NOP53: variants seen among roughly 807,000 people sequenced by gnomAD.
NOP53 encodes ribosome biogenesis protein NOP53.
A neutral mutation model predicts 61.0 loss-of-function variants in NOP53; 40 were observed. The ratio of observed to expected loss-of-function variants is 0.66; its 90% CI spans 0.51 to 0.85. The LOEUF (loss-of-function observed/expected upper bound fraction) is 0.85, where lower values mean the gene tolerates loss of function less well. NOP53 is among the 40% of genes least tolerant of loss of function. NOP53 has a pLI of 0.00. For missense variants in NOP53, 689 were observed against 652.9 expected (o/e 1.06, Z -0.60); for synonymous variants, 308 against 289.5 (o/e 1.06, Z -0.65).
intron 2 of NOP53, among the ~76,000 whole-genome samples, chr19:47,747,324 C>T (rs1353955384): frequency 1.3e-5 from 2 of 152,100 alleles, no homozygotes; most frequent in African/African-American, 4.8e-5. Flanking sequence ...TTTTAGCTTG[C>T]AGAAAAGCAA....
Position 47,754,807 on chromosome 19 carries a change from G to A in NOP53, c.969G>A (p.Glu323=). Residue 323 remains glutamate, a synonymous_variant, in exon 8 of 13, where the codon GAG becomes GAA. Transcript: ENST00000246802. This position sits in a 1 kb window ranked among gnomAD's most constrained non-coding sequence, Gnocchi z 4.2. ...QGEGPEAGDA[E]VCPTPARLAT... is the part of the protein sequence containing the mutation. ...AGGGGCCGGAGGCTGGGGATGCCGA[G>A]GTCTGTCCCACGCCCGCCCGCCTGG... The A allele has an allele frequency of 6.5e-7, 1 of 1,534,906 alleles. No individual in the cohort carries two copies. Among genetic ancestry groups the A allele is most frequent in the Non-Finnish European group, 8.7e-7 (1 of 1,145,258 alleles).
chr19:47,747,803 T>C (rs1251936852), intron 2 of NOP53, among the ~76,000 whole-genome samples: 1 of 54,428 alleles, frequency 1.8e-5, no homozygotes, highest in Non-Finnish European at 3.4e-5. Context: ...TTTTTTTTTT[T>C]TGAGATGGAG....
chr19:47,749,663 T>C (rs908460495), intron 2 of NOP53, among the ~76,000 whole-genome samples: 2 of 152,118 alleles, frequency 1.3e-5, no homozygotes, highest in East Asian at 1.9e-4. Flanking sequence ...CTAGAAGTTA[T>C]GCTGAGAAGT....
intron 12 of NOP53, 92 bp downstream of exon 12, chr19:47,756,836 A>G (rs1351447392): frequency 1.3e-6 from 2 of 1,497,710 alleles, no homozygotes; most frequent in African/African-American, 2.8e-5. Context: ...GAGTGTGGCT[A>G]GTGGCTGAGC....
chr19:47,747,178 A>G lies in NOP53; in HGVS notation c.289+147A>G, dbSNP rs1426264392. The G allele has an allele frequency of 8.1e-6, 5 of 619,786 alleles. No individual in the cohort carries two copies. In the East Asian group the frequency reaches 1.2e-4, roughly 15 times the overall value. The allele number at this position is 619,786 out of a possible 1,614,324, so 38.4% of individuals were successfully genotyped here. On this transcript the variant is annotated intron_variant, in intron 2 of 12. Transcript: ENST00000246802. ...CCTTAATATAAACAAGGGGACCTCA[A>G]ATGGGCAGAAAGCAAGCTGGAGACG...
intron 1 of NOP53, 116 bp downstream of exon 1, chr19:47,745,899 C>G (rs1967057222): frequency 1.7e-6 from 1 of 584,848 alleles, no homozygotes; most frequent in South Asian, 2.2e-5. Flanking sequence ...GTTGGGGGCT[C>G]CTGTCCCGGG....
rs1469800885 is a variant in NOP53 at position 47,747,009 on chromosome 19, G to A, written c.267G>A (p.Val89=). The change falls in exon 2 of 13, where the codon GTG becomes GTA. Residue 89 remains valine (V), a synonymous_variant. Coordinates refer to ENST00000246802, the MANE Select transcript of NOP53 (RefSeq NM_015710.5). ...SEAPNEKLFF[V]DTGSKEKGLT... The stretch of plus-strand genomic sequence containing the variant: ...CCCCAAATGAAAAACTCTTCTTCGT[G>A]GACACTGGCTCCAAGGAAAAAGGTG... The A allele has an allele frequency of 1.2e-5, 20 of 1,613,760 alleles. No homozygotes were observed. The highest frequency in any genetic ancestry group is 1.6e-5 in the Non-Finnish European group (19 of 1,179,752).
intron 12 of NOP53, 126 bp from the exon 13 acceptor site, chr19:47,756,873 A>G: frequency 1.3e-6 from 2 of 1,510,440 alleles, no homozygotes; most frequent in Non-Finnish European, 9.2e-7. Context: ...TGCCCAGAAG[A>G]GGCCCTGAAA....
rs371370344 is a variant in NOP53, at chr19:47,756,726, G to A, written c.1412G>A (p.Arg471Gln). 1.2e-5 allele frequency: 20 copies of A among 1,613,488 alleles called. No individual in the cohort carries two copies. Among genetic ancestry groups the A allele is most frequent in the African/African-American group, 9.3e-5 (7 of 74,930 alleles). Reference sequence around the variant, plus strand: ...TACAAGGTGAAGCTGGTGGAGAAGCGGGCGTTCCGTGAGATCCAGTGAGTC... The same window carrying A: ...TACAAGGTGAAGCTGGTGGAGAAGCAGGCGTTCCGTGAGATCCAGTGAGTC... ...RKYKVKLVEK[R>Q]AFREIQL is the part of the protein sequence containing the mutation. The change falls in exon 12 of 13, where the codon CGG becomes CAG. Residue 471 changes from arginine to glutamine, a missense_variant. Arg to Gln is a conservative substitution (Grantham distance 43). Transcript: ENST00000246802.
chr19:47,756,009 T>G (rs1195011136), intron 10 of NOP53, 187 bp downstream of exon 10: 2 of 596,800 alleles, frequency 3.4e-6, no homozygotes, highest in Non-Finnish European at 6.0e-6. Context: ...GGCTAAGGTT[T>G]GAGTCCGGGA....
chr19:47,748,864 G>A (rs1188792829), intron 2 of NOP53, among the ~76,000 whole-genome samples: 1 of 150,974 alleles, frequency 6.6e-6, no homozygotes, highest in Non-Finnish European at 1.5e-5. Context: ...GGGCGACAGA[G>A]CAAGACTCTG....
chr19:47,755,811 A>G lies in NOP53; in HGVS notation c.1285A>G (p.Arg429Gly), dbSNP rs1049750063. ...QLSSELTDSLRTLKPEGNILR... is the reference protein window; with the variant it reads ...QLSSELTDSLGTLKPEGNILR... ...GAGCTCGGAGCTGACAGACTCGCTCAGGACCCTGAAGGTGCTCACTGTGTC... is the reference window on the plus strand; with the variant it reads ...GAGCTCGGAGCTGACAGACTCGCTCGGGACCCTGAAGGTGCTCACTGTGTC... Residue 429 changes from arginine (R) to glycine (G), a missense_variant, in exon 10 of 13, where the codon AGG (arginine) becomes GGG (glycine). Coordinates refer to ENST00000246802, the MANE Select transcript of NOP53 (RefSeq NM_015710.5). The G allele has an allele frequency of 1.9e-6, 3 of 1,608,378 alleles. No homozygotes were observed. Among genetic ancestry groups the G allele is most frequent in the Admixed American group, 1.7e-5 (1 of 59,396 alleles).
intron 9 of NOP53, 30 bp from the exon 10 acceptor site, chr19:47,755,726 A>G (rs1214741851): frequency 6.3e-7 from 1 of 1,590,044 alleles, no homozygotes; most frequent in Non-Finnish European, 8.6e-7. Flanking sequence ...CGCGGGGGTG[A>G]TATTTCTGAA....
intron 8 of NOP53, 45 bp from the exon 9 acceptor site, chr19:47,755,303 G>A: frequency 7.6e-7 from 1 of 1,323,202 alleles, no homozygotes. Flanking sequence ...GTCTCCCTGT[G>A]TGGGCAGCAC....
chr19:47,754,589 G>A lies in NOP53; in HGVS notation c.828G>A (p.Glu276=), dbSNP rs765686117. Residue 276 remains glutamate (E), a synonymous_variant, in exon 7 of 13, where the codon GAG becomes GAA. Coordinates refer to ENST00000246802, the MANE Select transcript of NOP53 (RefSeq NM_015710.5). This position sits in a 1 kb window ranked among gnomAD's most constrained non-coding sequence, Gnocchi z 4.2. Reference sequence around the variant, plus strand: ...GGCAGAAGGAGGCGGAGAAGCTGGAGCGGCAGCTGGCCCTGCCCGCCACGG... The same window carrying A: ...GGCAGAAGGAGGCGGAGAAGCTGGAACGGCAGCTGGCCCTGCCCGCCACGG... The part of the protein sequence containing the change: ...LQRQKEAEKL[E]RQLALPATEQ... 4.0e-5 allele frequency: 62 copies of A among 1,550,512 alleles called. No homozygotes were observed. The highest frequency in any genetic ancestry group is 5.5e-5 in the African/African-American group (4 of 73,036).
At chr19:47,746,902 C>T in intron 1 of NOP53, 65 bp from the exon 2 acceptor site, 1 of 1,345,954 alleles carries the variant, frequency 7.4e-7, no homozygotes, top group East Asian at 2.3e-5. Flanking sequence ...AAGGCTGGAC[C>T]TGCCAGGTTA....
In NOP53 at chr19:47,755,541, G is replaced by A. The variant is rs777448858; in HGVS notation, c.1229+18G>A. The stretch of plus-strand genomic sequence containing the variant: ...CGGCTCAAGTGAGAACCAGGCCGGG[G>A]GTTCTGGGAGAGGCTGGGGAGGGGG... On this transcript the variant is annotated intron_variant, in intron 9 of 12. Transcript: ENST00000246802. 17 of 1,463,126 alleles carry A rather than the reference G, an allele frequency of 1.2e-5. No individual in the cohort carries two copies. In the South Asian group the frequency reaches 2.3e-4, roughly 20 times the overall value. 90.6% of individuals were successfully genotyped at this position (1,463,126 alleles called of 1,614,324 possible).
At chr19:47,750,078 G>A (rs1028014105) in intron 2 of NOP53, 100 bp from the exon 3 acceptor site, 13 of 715,408 alleles carry the variant, frequency 1.8e-5, no homozygotes, top group Non-Finnish European at 2.7e-5. Context: ...GGGGTGACTT[G>A]GGATTCAGGT....
chr19:47,753,872 A>G (rs1378195091), intron 6 of NOP53: 4 of 152,292 alleles, frequency 2.6e-5, no homozygotes, highest in Admixed American at 6.5e-5. Flanking sequence ...CACTGTCCGT[A>G]AAGGAAACCT....
Sources: gnomAD v4.1 joint callset for allele counts (sites outside exome capture counted in the v4.1 genomes callset) on GRCh38, gnomAD v4.1.1 for gene constraint, Gnocchi (gnomAD v3.1) non-coding constraint, MANE v1.5 for transcripts, NCBI Gene and HGNC (gene_info 2026-07-23, HGNC 2026-07-21) for gene names.